STPG2: variants seen among roughly 807,000 people sequenced by gnomAD.
STPG2 encodes sperm tail PG-rich repeat containing 2, also known as sperm-tail PG-rich repeat-containing protein 2.
Under a neutral mutation model 54.2 loss-of-function variants are expected in STPG2, and 56 were observed. The observed-to-expected ratio is 1.03, with a 90% CI of 0.83 to 1.29. The LOEUF (loss-of-function observed/expected upper bound fraction) is 1.29, where lower values mean the gene tolerates loss of function less well. STPG2 is among the 50% of genes most tolerant of loss of function. The pLI is 0.00. For synonymous variants in STPG2, 200 were observed against 181.8 expected (o/e 1.10, Z -0.81); for missense variants, 596 against 544.9 (o/e 1.09, Z -0.93).
At chr4:97,553,441 T>A (rs1476115396) in intron 4 of STPG2, among the ~76,000 whole-genome samples, 1 of 152,210 alleles carries the variant, frequency 6.6e-6, no homozygotes, top group African/African-American at 2.4e-5. Context: ...ATATAAGTTA[T>A]GCAAGCAGTT....
chr4:97,888,634 G>A (rs185389582), intron 8 of STPG2, among the ~76,000 whole-genome samples: 68 of 152,268 alleles, frequency 4.5e-4, no homozygotes, highest in African/African-American at 1.6e-3. Context: ...TCTCATATAA[G>A]ACTTTGGACT....
intron 8 of STPG2, among the ~76,000 whole-genome samples, chr4:97,897,206 G>T (rs2076874375): frequency 6.6e-6 from 1 of 152,002 alleles, no homozygotes; most frequent in African/African-American, 2.4e-5. Context: ...ATGGCCTCCA[G>T]CTCCATCCAT....
intron 5 of STPG2, among the ~76,000 whole-genome samples, chr4:98,083,100 A>G (rs112988764): frequency 0.011 from 1,709 of 152,180 alleles, 26 homozygotes; most frequent in African/African-American, 0.039. Context: ...CTACCTCCCA[A>G]TATCATCCTG....
intron 5 of STPG2, among the ~76,000 whole-genome samples, chr4:98,032,622 C>G (rs564205654): frequency 6.6e-6 from 1 of 152,270 alleles, no homozygotes; most frequent in East Asian, 1.9e-4. Context: ...CTCTCCACCC[C>G]AAATCAACAG....
chr4:97,723,318 G>A (rs1273350536), intron 9 of STPG2, among the ~76,000 whole-genome samples: 1 of 151,788 alleles, frequency 6.6e-6, no homozygotes, highest in East Asian at 1.9e-4. Flanking sequence ...TAGACACTGA[G>A]GACTCCAAAA....
intron 10 of STPG2, among the ~76,000 whole-genome samples, chr4:97,594,638 A>T (rs1370408882): frequency 6.6e-6 from 1 of 152,178 alleles, no homozygotes; most frequent in Non-Finnish European, 1.5e-5. Flanking sequence ...ACATTCAGGA[A>T]ATCCAGATAA....
At chr4:97,444,947 G>T (rs1729181860) in intron 4 of STPG2, among the ~76,000 whole-genome samples, 1 of 152,148 alleles carries the variant, frequency 6.6e-6, no homozygotes, top group Non-Finnish European at 1.5e-5. Context: ...TGAGGCAAGA[G>T]AATGGCGTGA....
chr4:97,964,224 T>G (rs771987444), intron 7 of STPG2, among the ~76,000 whole-genome samples: 2 of 152,126 alleles, frequency 1.3e-5, no homozygotes, highest in Non-Finnish European at 2.9e-5. Flanking sequence ...CCCTAAAGTC[T>G]TACTGGGGAC....
chr4:97,849,611 G>A (rs1729085537), intron 8 of STPG2, among the ~76,000 whole-genome samples: 1 of 152,022 alleles, frequency 6.6e-6, no homozygotes, highest in Admixed American at 6.6e-5. Flanking sequence ...GTGGGCAAAG[G>A]ACACGAACAG....
intron 10 of STPG2, among the ~76,000 whole-genome samples, chr4:97,594,895 A>T (rs960491514): frequency 2.0e-5 from 3 of 152,184 alleles, no homozygotes; most frequent in Non-Finnish European, 4.4e-5. Flanking sequence ...CAAAACCACA[A>T]GGAGATACCA....
chr4:97,791,177 T>G (rs1406407311), intron 9 of STPG2, among the ~76,000 whole-genome samples: 1 of 152,160 alleles, frequency 6.6e-6, no homozygotes, highest in Non-Finnish European at 1.5e-5. Flanking sequence ...AAAGGTGCAA[T>G]GAGATGGAAA....
At chr4:97,583,106 G>T (rs1732902024) in intron 10 of STPG2, among the ~76,000 whole-genome samples, 1 of 151,892 alleles carries the variant, frequency 6.6e-6, no homozygotes, top group Admixed American at 6.6e-5. Context: ...TAGATTTGAT[G>T]ATTTCAGCTG....
chr4:97,585,911 G>GA (rs984290394), intron 10 of STPG2, among the ~76,000 whole-genome samples: 6 of 151,606 alleles, frequency 4.0e-5, no homozygotes, highest in Admixed American at 2.0e-4. Context: ...AGACAAAATA[G>GA]AAAAAAATAG....
intron 4 of STPG2, among the ~76,000 whole-genome samples, chr4:97,524,672 C>T (rs892670878): frequency 6.6e-6 from 1 of 151,962 alleles, no homozygotes; most frequent in South Asian, 2.1e-4. Flanking sequence ...CATCTTACAG[C>T]AATCCTCTTT....
intron 9 of STPG2, among the ~76,000 whole-genome samples, chr4:97,840,345 A>G (rs964802331): frequency 6.6e-6 from 1 of 151,562 alleles, no homozygotes; most frequent in Non-Finnish European, 1.5e-5. Context: ...TAAAACTGGT[A>G]AAATTGTCTT....
intron 10 of STPG2, among the ~76,000 whole-genome samples, chr4:97,636,652 A>T (rs1560696788): frequency 6.6e-6 from 1 of 152,014 alleles, no homozygotes; most frequent in Non-Finnish European, 1.5e-5. Flanking sequence ...AAAAATGATA[A>T]AGGGGATATT....
intron 9 of STPG2, among the ~76,000 whole-genome samples, chr4:97,738,044 G>A (rs375226255): frequency 2.6e-5 from 4 of 152,296 alleles, no homozygotes; most frequent in South Asian, 2.1e-4. Flanking sequence ...AGAAGAGAGC[G>A]AAGGCCAATA....
chr4:97,653,214 A>T (rs1475079969), intron 10 of STPG2, among the ~76,000 whole-genome samples: 1 of 152,058 alleles, frequency 6.6e-6, no homozygotes, highest in South Asian at 2.1e-4. Context: ...AAGGCATTGT[A>T]GACTCAGGTA....
chr4:97,958,234 T>G (rs1173757051), intron 7 of STPG2, among the ~76,000 whole-genome samples: 5 of 151,738 alleles, frequency 3.3e-5, no homozygotes, highest in Non-Finnish European at 7.4e-5. Context: ...TGCTTGAACC[T>G]GGGAGGTGGA....
Sources: gnomAD v4.1 joint callset for allele counts (sites outside exome capture counted in the v4.1 genomes callset) on GRCh38, gnomAD v4.1.1 for gene constraint, MANE v1.5 for transcripts, NCBI Gene and HGNC (gene_info 2026-07-23, HGNC 2026-07-21) for gene names.